The following DAPP1 variants were observed in gnomAD, a reference collection of about 807,000 sequenced individuals.
DAPP1 encodes the protein dual adaptor of phosphotyrosine and 3-phosphoinositides 1.
A neutral mutation model predicts 41.5 loss-of-function variants in DAPP1; 20 were observed. That is an observed-to-expected ratio of 0.48 (90% confidence interval 0.34 to 0.70). DAPP1 has a LOEUF of 0.70. DAPP1 is among the 30% of genes least tolerant of loss of function. The pLI is 0.01. For synonymous variants in DAPP1, 113 were observed against 116.2 expected, an observed-to-expected ratio of 0.97 and a Z score of 0.18; for missense variants, 233 against 333.4, an observed-to-expected ratio of 0.70 and a Z score of 2.35.
Position 99,861,629 on chromosome 4 carries a change from A to G in DAPP1, c.537+4A>G. ...CAAACAGGGAGGCCTGGTCAAGGTAAGGAAGTGTGGTTTTGCTCATGCCAG... is the reference window on the plus strand; with the variant it reads ...CAAACAGGGAGGCCTGGTCAAGGTAGGGAAGTGTGGTTTTGCTCATGCCAG... On this transcript the variant is annotated splice_donor_region_variant and intron_variant, in intron 5 of 8. Coordinates refer to ENST00000512369, the MANE Select transcript of DAPP1 (RefSeq NM_014395.3). The G allele has an allele frequency of 6.4e-7, 1 of 1,571,024 alleles. No individual in the cohort carries two copies. Among genetic ancestry groups the G allele is most frequent in the African/African-American group, 1.3e-5 (1 of 74,082 alleles).
intron 1 of DAPP1, among the ~76,000 whole-genome samples, chr4:99,817,927 A>T (rs748076436): frequency 6.6e-6 from 1 of 152,236 alleles, no homozygotes; most frequent in Non-Finnish European, 1.5e-5. Context: ...ACAAGTACCA[A>T]ACAGGTTTGA....
rs753481523 is a variant in DAPP1 at position 99,853,283 on chromosome 4, G to A, written c.424G>A (p.Val142Ile). ...KVEEPSIYES[V>I]RVHTAMQTGR... ...GGAAGAACCCTCCATTTATGAATCT[G>A]TCCGGGTTCACACAGCAATGCAGAC... The change falls in exon 4 of 9, where the codon GTC becomes ATC. Residue 142 changes from valine to isoleucine, a missense_variant. By Grantham distance (29) the Val-to-Ile change is conservative (BLOSUM62 3). Coordinates refer to ENST00000512369, the MANE Select transcript of DAPP1 (RefSeq NM_014395.3). 4 of 1,613,552 alleles carry A rather than the reference G, an allele frequency of 2.5e-6. No individual in the cohort carries two copies. The South Asian group carries it at 4.4e-5, about 18-fold the overall frequency.
rs1342937375 is a variant in DAPP1, at chr4:99,822,848, C to CT, written c.101+5835dup. Among the ~76,000 whole-genome samples, 12 of 152,310 alleles carry CT rather than the reference C, an allele frequency of 7.9e-5. No individual in the cohort carries two copies. The South Asian group carries it at 1.0e-3, about 13-fold the overall frequency. On this transcript the variant is annotated intron_variant, in intron 1 of 8. Coordinates refer to ENST00000512369, the MANE Select transcript of DAPP1 (RefSeq NM_014395.3). ...TTCTGAGCCCATCGACCTCTGTGTC[C>CT]TACTGCCTGATAGAGGCCTGCCTCT...
chr4:99,825,301 T>C (rs1030299677), intron 1 of DAPP1, among the ~76,000 whole-genome samples: 2 of 152,188 alleles, frequency 1.3e-5, no homozygotes, highest in Non-Finnish European at 1.5e-5. Context: ...TGAGTCTCCA[T>C]GTCTGTCTGT....
intron 6 of DAPP1, 110 bp from the exon 7 acceptor site, chr4:99,863,660 T>C (rs1040240170): frequency 5.5e-6 from 4 of 725,018 alleles, no homozygotes; most frequent in Non-Finnish European, 9.1e-6. Flanking sequence ...AAAGGAAATA[T>C]GACAATTGCA....
At chr4:99,871,536 C>G (rs1443306578), downstream of DAPP1, among the ~76,000 whole-genome samples, 1 of 151,972 alleles carries the variant, frequency 6.6e-6, no homozygotes, top group African/African-American at 2.4e-5. Flanking sequence ...ATTCAACAGG[C>G]ATAAAGTTAC....
At chr4:99,851,127 T>C (rs2110156463) in intron 3 of DAPP1, among the ~76,000 whole-genome samples, 1 of 152,344 alleles carries the variant, frequency 6.6e-6, no homozygotes, top group Admixed American at 6.5e-5. Flanking sequence ...ACAGAGCCCC[T>C]GAGCCTGCAC....
At chr4:99,857,199 T>TA (rs1724074172) in intron 4 of DAPP1, among the ~76,000 whole-genome samples, 1 of 152,100 alleles carries the variant, frequency 6.6e-6, no homozygotes, top group South Asian at 2.1e-4. Flanking sequence ...TGAGCTTGTT[T>TA]AAAAAAATTC....
At chr4:99,837,399 C>T (rs1379428000) in intron 2 of DAPP1, among the ~76,000 whole-genome samples, 2 of 152,102 alleles carry the variant, frequency 1.3e-5, no homozygotes, top group South Asian at 2.1e-4. Context: ...GGTGGGTGTG[C>T]GAAACAGGTA....
intron 2 of DAPP1, among the ~76,000 whole-genome samples, chr4:99,839,680 C>A (rs1236063446): frequency 6.6e-6 from 1 of 152,158 alleles, no homozygotes; most frequent in Non-Finnish European, 1.5e-5. Flanking sequence ...CCTTCTTAAA[C>A]TCATGCCCCT....
chr4:99,857,701 T>TATATACAC (rs776829227), intron 4 of DAPP1, among the ~76,000 whole-genome samples: 1 of 143,020 alleles, frequency 7.0e-6, no homozygotes, highest in Admixed American at 7.1e-5. Context: ...TGTATGTATA[T>TATATACAC]ACACACACAC....
intron 1 of DAPP1, among the ~76,000 whole-genome samples, chr4:99,834,853 G>A (rs903720769): frequency 4.6e-5 from 7 of 152,124 alleles, no homozygotes; most frequent in African/African-American, 1.7e-4. Flanking sequence ...TTCCTTCCGA[G>A]GGCCGTGAGG....
chr4:99,849,531 C>G (rs1723784182), intron 3 of DAPP1, among the ~76,000 whole-genome samples: 1 of 152,092 alleles, frequency 6.6e-6, no homozygotes, highest in African/African-American at 2.4e-5. Flanking sequence ...TGTCTAATAC[C>G]AAGAGGTGAC....
rs1371056680 is a variant in DAPP1 at position 99,833,183 on chromosome 4, G to A, written c.102-2440G>A. Among the ~76,000 whole-genome samples, 4 of 152,254 alleles carry A rather than the reference G, an allele frequency of 2.6e-5. No individual in the cohort carries two copies. In the East Asian group the frequency reaches 7.7e-4, roughly 29 times the overall value. Reference sequence around the variant, plus strand: ...TCAGTTGAACTTGAACTTTATTATTGTTTCACTTATAATTCTTCCAATTGT... The same window carrying A: ...TCAGTTGAACTTGAACTTTATTATTATTTCACTTATAATTCTTCCAATTGT... On this transcript the variant is annotated intron_variant, in intron 1 of 8. Transcript: ENST00000512369.
At chr4:99,843,101 G>A (rs536860876) in intron 3 of DAPP1, among the ~76,000 whole-genome samples, 235 of 152,304 alleles carry the variant, frequency 1.5e-3, no homozygotes, top group Non-Finnish European at 2.6e-3. Context: ...TCAGGCCACT[G>A]CTCTCAGCCA....
chr4:99,816,845 C>G lies in DAPP1; in HGVS notation c.-69C>G. 4 of 1,390,396 alleles carry G rather than the reference C, an allele frequency of 2.9e-6. No homozygotes were observed. The highest frequency in any genetic ancestry group is 3.9e-6 in the Non-Finnish European group (4 of 1,013,180). 86.1% of individuals were successfully genotyped at this position (1,390,396 alleles called of 1,614,324 possible). A position where few individuals can be genotyped will look rare whatever the true frequency, so the allele number is the denominator to read the frequency against. On this transcript the variant is annotated 5_prime_UTR_variant, in exon 1 of 9. Coordinates refer to ENST00000512369, the MANE Select transcript of DAPP1 (RefSeq NM_014395.3). ...ACTCAGAGCCATAGCAGGCTGCTGT[C>G]TCACAGAGCGAGAAGGTGTCAGGAG...
chr4:99,852,858 C>G (rs1012709625), intron 3 of DAPP1, among the ~76,000 whole-genome samples: 1 of 152,128 alleles, frequency 6.6e-6, no homozygotes, highest in Non-Finnish European at 1.5e-5. Context: ...AATGTCACCT[C>G]CTTTATGAAA....
intron 1 of DAPP1, among the ~76,000 whole-genome samples, 195 bp downstream of exon 1, chr4:99,817,209 A>T (rs1722617766): frequency 6.6e-6 from 1 of 152,226 alleles, no homozygotes; most frequent in African/African-American, 2.4e-5. Flanking sequence ...TTGGAAAAGC[A>T]GGCATTATTT....
chr4:99,838,235 A>G (rs543038296), intron 2 of DAPP1, among the ~76,000 whole-genome samples: 63 of 152,312 alleles, frequency 4.1e-4, no homozygotes, highest in Non-Finnish European at 7.1e-4. Flanking sequence ...TTTCATATAC[A>G]TAAAAAATAA....
Sources: gnomAD v4.1 joint callset for allele counts (sites outside exome capture counted in the v4.1 genomes callset) on GRCh38, gnomAD v4.1.1 for gene constraint, MANE v1.5 for transcripts, NCBI Gene and HGNC (gene_info 2026-07-23, HGNC 2026-07-21) for gene names.